CCDC181: variants seen among roughly 807,000 people sequenced by gnomAD.
CCDC181 encodes coiled-coil domain containing 181, also known as coiled-coil domain-containing protein 181.
CCDC181 carries 35 observed loss-of-function variants against 58.7 expected under a neutral mutation model. That is an observed-to-expected ratio of 0.60 (90% confidence interval 0.46 to 0.79). The LOEUF is 0.79. Ranked by LOEUF, CCDC181 falls within the 30% of genes least tolerant of loss-of-function variation. The pLI, the probability that CCDC181 is intolerant of heterozygous loss-of-function variation, is 0.00. For missense variants in CCDC181, 517 were observed against 583.9 expected (o/e 0.89, Z 1.18); for synonymous variants, 183 against 197.5 (o/e 0.93, Z 0.62).
chr1:169,418,735 C>A, intron 4 of CCDC181: 1 of 447,736 alleles, frequency 2.2e-6, no homozygotes, highest in Non-Finnish European at 3.9e-6. Flanking sequence ...TATCTTTGCC[C>A]TGTTTGAATA....
chr1:169,417,272 T>C (rs1396318743), intron 4 of CCDC181, among the ~76,000 whole-genome samples: 2 of 152,224 alleles, frequency 1.3e-5, no homozygotes, highest in Non-Finnish European at 2.9e-5. Flanking sequence ...GCCTAGATTG[T>C]GACCAGAGCT....
chr1:169,436,385 T>C (rs1657054739), intron 2 of CCDC181, among the ~76,000 whole-genome samples: 1 of 152,288 alleles, frequency 6.6e-6, no homozygotes, highest in South Asian at 2.1e-4. Context: ...CAGTGAGGAA[T>C]AGATTTCATC....
chr1:169,418,865 C>A, intron 4 of CCDC181, 148 bp downstream of exon 4: 1 of 603,788 alleles, frequency 1.7e-6, no homozygotes, highest in Non-Finnish European at 2.9e-6. Context: ...TTGTAGTTAT[C>A]TGCATGTTGC....
intron 2 of CCDC181, among the ~76,000 whole-genome samples, chr1:169,443,664 T>C (rs1657293271): frequency 6.6e-6 from 1 of 152,122 alleles, no homozygotes; most frequent in African/African-American, 2.4e-5. Flanking sequence ...AAGCTGTACT[T>C]CATCCAGACA....
chr1:169,460,023 T>A (rs181277260), intron 1 of CCDC181, among the ~76,000 whole-genome samples: 1 of 152,220 alleles, frequency 6.6e-6, no homozygotes, highest in East Asian at 1.9e-4. Flanking sequence ...AAATAGTTTT[T>A]GTTAACATTT....
chr1:169,395,393 G>A (rs555312199), intron 5 of CCDC181, among the ~76,000 whole-genome samples, 187 bp from the exon 6 acceptor site: 1 of 152,198 alleles, frequency 6.6e-6, no homozygotes, highest in Non-Finnish European at 1.5e-5. Flanking sequence ...AGAAAGGACC[G>A]TTAGATTTGG....
intron 1 of CCDC181, among the ~76,000 whole-genome samples, chr1:169,425,878 TTATAAA>T (rs1656689546): frequency 6.6e-6 from 1 of 152,144 alleles, no homozygotes; most frequent in African/African-American, 2.4e-5. Flanking sequence ...AGTTCTGAAC[TTATAAA>T]TAAATGGTTG....
chr1:169,456,416 A>G (rs1474696534), intron 2 of CCDC181, among the ~76,000 whole-genome samples: 1 of 123,028 alleles, frequency 8.1e-6, no homozygotes, highest in African/African-American at 2.6e-5. Flanking sequence ...ACCACAGAAT[A>G]AATAATCATT....
chr1:169,453,164 A>G (rs1657592617), intron 2 of CCDC181, among the ~76,000 whole-genome samples: 1 of 152,108 alleles, frequency 6.6e-6, no homozygotes, highest in African/African-American at 2.4e-5. Context: ...ACTATATCCA[A>G]GAACAAAACC....
intron 5 of CCDC181, among the ~76,000 whole-genome samples, chr1:169,395,502 T>G (rs1654969772): frequency 6.6e-6 from 1 of 152,214 alleles, no homozygotes; most frequent in Admixed American, 6.5e-5. Context: ...GATCCTATTC[T>G]TTTTTTAGAA....
At chr1:169,420,397 CTTTTTTT>C (rs58922330) in intron 3 of CCDC181, among the ~76,000 whole-genome samples, 1 of 133,990 alleles carries the variant, frequency 7.5e-6, no homozygotes, top group Non-Finnish European at 1.6e-5. Context: ...TCATGTTTCA[CTTTTTTT>C]TTTTTTTTTT....
chr1:169,401,337 G>A (rs904133216), intron 4 of CCDC181, among the ~76,000 whole-genome samples: 3 of 152,234 alleles, frequency 2.0e-5, no homozygotes, highest in African/African-American at 7.2e-5. Flanking sequence ...TCTGAGAAAG[G>A]ACAGACTGCC....
chr1:169,419,699 C>A (rs931053885), intron 3 of CCDC181, among the ~76,000 whole-genome samples: 14 of 152,048 alleles, frequency 9.2e-5, no homozygotes, highest in African/African-American at 2.9e-4. Context: ...TATACATTTC[C>A]ATTTCACACA....
At chr1:169,454,021 T>C (rs753826544) in intron 2 of CCDC181, among the ~76,000 whole-genome samples, 1 of 152,054 alleles carries the variant, frequency 6.6e-6, no homozygotes, top group Non-Finnish European at 1.5e-5. Flanking sequence ...TGATGTCCCC[T>C]CCTTCTTCAG....
At chr1:169,403,404 G>T (rs938048213) in intron 4 of CCDC181, among the ~76,000 whole-genome samples, 2 of 152,122 alleles carry the variant, frequency 1.3e-5, no homozygotes, top group Non-Finnish European at 2.9e-5. Context: ...GACCACATAG[G>T]TGAAAGTAAA....
intron 4 of CCDC181, among the ~76,000 whole-genome samples, chr1:169,403,988 C>T (rs1314484961): frequency 3.9e-5 from 6 of 151,994 alleles, no homozygotes; most frequent in Admixed American, 2.0e-4. Context: ...ATATCACCAC[C>T]GATCCCACAG....
intron 4 of CCDC181, among the ~76,000 whole-genome samples, chr1:169,407,894 T>C (rs1655754437): frequency 1.3e-5 from 2 of 152,128 alleles, no homozygotes; most frequent in African/African-American, 4.8e-5. Context: ...CTGTGCATTA[T>C]TGCCCAAATA....
chr1:169,396,741 G>T (rs555430326), intron 5 of CCDC181, among the ~76,000 whole-genome samples: 2 of 152,048 alleles, frequency 1.3e-5, no homozygotes, highest in Non-Finnish European at 1.5e-5. Context: ...AAAATATCAG[G>T]TTTGCCTTAA....
intron 4 of CCDC181, among the ~76,000 whole-genome samples, chr1:169,411,873 G>A (rs1020503249): frequency 1.4e-4 from 21 of 152,092 alleles, no homozygotes; most frequent in African/African-American, 3.9e-4. Context: ...CTGATGGCAC[G>A]TATCTCAAAA....
Sources: allele counts gnomAD v4.1 joint callset (sites outside exome capture counted in the v4.1 genomes callset), GRCh38; gene constraint gnomAD v4.1.1; transcripts MANE v1.5; gene names NCBI Gene and HGNC (gene_info 2026-07-23, HGNC 2026-07-21).